ZFP14: variants seen among roughly 807,000 people sequenced by gnomAD.
ZFP14 encodes zinc finger protein 14 homolog.
In ZFP14, 22 loss-of-function variants were observed where a neutral mutation model predicts 54.5. The observed-to-expected ratio is 0.40, with a 90% CI of 0.29 to 0.58. The LOEUF (loss-of-function observed/expected upper bound fraction) is 0.58, where lower values mean the gene tolerates loss of function less well. Ranked by LOEUF, ZFP14 falls within the 20% of genes least tolerant of loss-of-function variation. The pLI is 0.39. For missense variants in ZFP14, 470 were observed against 637.8 expected, an observed-to-expected ratio of 0.74 and a Z score of 2.83; for synonymous variants, 159 against 204.0, an observed-to-expected ratio of 0.78 and a Z score of 1.88.
At chr19:36,374,489 CA>C (rs398034483) in intron 1 of ZFP14, among the ~76,000 whole-genome samples, 8,969 of 70,512 alleles carry the variant, frequency 0.13, 214 homozygotes, top group Middle Eastern at 0.2. Context: ...GACTCTGTCT[CA>C]AAAAAAAAAA....
chr19:36,369,226 A>ATG (rs2031843404), intron 1 of ZFP14, among the ~76,000 whole-genome samples: 1 of 152,074 alleles, frequency 6.6e-6, no homozygotes, highest in Non-Finnish European at 1.5e-5. Flanking sequence ...GAGAACCTCT[A>ATG]TGTGTTGGGT....
Position 36,334,665 on chromosome 19 carries a change from C to T in ZFP14, c.*5559G>A, listed in dbSNP as rs1383139223. 1.3e-5 allele frequency: 2 copies of T among 152,156 alleles called. No individual in the cohort carries two copies. The highest frequency in any genetic ancestry group is 2.9e-5 in the Non-Finnish European group (2 of 68,030). The allele number at this position is 152,156 out of a possible 1,614,324, so 9.4% of individuals were successfully genotyped here. On this transcript the variant is annotated 3_prime_UTR_variant, in exon 5 of 5. Coordinates refer to ENST00000270001, the MANE Select transcript of ZFP14 (RefSeq NM_020917.3). ...CAAAAAATTGCCCTGACTTATGCCG[C>T]CCCCAACACAACCACTCACCATATC... is the stretch of plus-strand genomic sequence containing the variant.
Position 36,367,933 on chromosome 19 carries a change from T to A in ZFP14, c.-41A>T. 6.2e-7 allele frequency: 1 copy of A among 1,602,072 alleles called. No homozygotes were observed. Among genetic ancestry groups the A allele is most frequent in the Non-Finnish European group, 8.5e-7 (1 of 1,173,444 alleles). On this transcript the variant is annotated 5_prime_UTR_variant, in exon 2 of 5. Coordinates refer to ENST00000270001, the MANE Select transcript of ZFP14 (RefSeq NM_020917.3). ...AAAACTGGTCAGTCCTTTTCAAGATTTCTCTGTTGGAGAACTATGGAGTCC... is the reference window on the plus strand; with the variant it reads ...AAAACTGGTCAGTCCTTTTCAAGATATCTCTGTTGGAGAACTATGGAGTCC...
At chr19:36,346,719 G>A (rs1280201125) in intron 4 of ZFP14, among the ~76,000 whole-genome samples, 2 of 152,194 alleles carry the variant, frequency 1.3e-5, no homozygotes, top group Admixed American at 6.5e-5. Context: ...GCCTCCCAAA[G>A]TGCTGGGATT....
rs1451907181 is a variant in ZFP14 at position 36,341,415 on chromosome 19, C to T, written c.411G>A (p.Glu137=). Residue 137 remains glutamate (E), a synonymous_variant, in exon 5 of 5, where the codon GAG becomes GAA. Transcript: ENST00000270001. The surrounding 1 kb of genome is among the most constrained non-coding windows in gnomAD (Gnocchi z 4.2). ...SKIEGEKEQQ[E]GYFGQVKITS... is the part of the protein sequence containing the mutation. ...TAATTTTCACTTGCCCAAAATATCC[C>T]TCTTGTTGTTCCTTTTCCCCCTCAA... is the stretch of plus-strand genomic sequence containing the variant. The T allele has an allele frequency of 1.2e-6, 2 of 1,614,016 alleles. No homozygotes were observed. The highest frequency in any genetic ancestry group is 1.7e-6 in the Non-Finnish European group (2 of 1,180,028).
chr19:36,358,764 T>C (rs537106505), intron 4 of ZFP14, among the ~76,000 whole-genome samples: 24 of 152,308 alleles, frequency 1.6e-4, no homozygotes, highest in African/African-American at 5.3e-4. Context: ...GTTTGTTGCC[T>C]CCAAAACTCA....
At chr19:36,369,285 G>A (rs1245522703) in intron 1 of ZFP14, among the ~76,000 whole-genome samples, 1 of 152,196 alleles carries the variant, frequency 6.6e-6, no homozygotes, top group Non-Finnish European at 1.5e-5. Context: ...GCAATGTAGT[G>A]CTCTCCTTTT....
Position 36,340,152 on chromosome 19 carries a change from T to C in ZFP14, c.*72A>G. ...AATTTATTATGCTTGGAATTGAGCA[T>C]GAAACACATTTTCTCAAAAATGAAT... On this transcript the variant is annotated 3_prime_UTR_variant, in exon 5 of 5. Transcript: ENST00000270001. The surrounding 1 kb of genome is among the most constrained non-coding windows in gnomAD (Gnocchi z 5.4). 1 of 1,415,494 alleles carries C rather than the reference T, an allele frequency of 7.1e-7. No homozygotes were observed. Among genetic ancestry groups the C allele is most frequent in the East Asian group, 2.3e-5 (1 of 42,712 alleles). 87.7% of individuals were successfully genotyped at this position (1,415,494 alleles called of 1,614,324 possible). A position where few individuals can be genotyped will look rare whatever the true frequency, so the allele number is the denominator to read the frequency against.
At chr19:36,375,651 G>C (rs1351310864) in intron 1 of ZFP14, among the ~76,000 whole-genome samples, 1 of 151,082 alleles carries the variant, frequency 6.6e-6, no homozygotes, top group Non-Finnish European at 1.5e-5. Flanking sequence ...TCCGCCTCCC[G>C]GGTTCACGCC....
In ZFP14 at chr19:36,354,963, C is replaced by T. The variant is rs760285950; in HGVS notation, c.235+5472G>A. On this transcript the variant is annotated intron_variant, in intron 4 of 4. Transcript: ENST00000270001. Reference sequence around the variant, plus strand: ...TGGGATTACAGGCACGAAGCCACTGCGCCTGGCCCTTCTTACTTTTCTTAA... The same window carrying T: ...TGGGATTACAGGCACGAAGCCACTGTGCCTGGCCCTTCTTACTTTTCTTAA... 3.6e-4 allele frequency among the ~76,000 whole-genome samples: 52 copies of T among 142,990 alleles called. 11 individuals carry two copies. Among genetic ancestry groups the T allele is most frequent in the Admixed American group, 7.2e-4 (10 of 13,864 alleles). The allele number at this position is 142,990 out of a possible 152,430, so 93.8% of individuals were successfully genotyped here.
intron 1 of ZFP14, among the ~76,000 whole-genome samples, chr19:36,375,120 T>C (rs2031940171): frequency 6.6e-6 from 1 of 152,210 alleles, no homozygotes. Context: ...TAAACAGGTT[T>C]ATTTTGCTTC....
At chr19:36,351,301 C>A (rs1197775029) in intron 4 of ZFP14, among the ~76,000 whole-genome samples, 1 of 142,510 alleles carries the variant, frequency 7.0e-6, no homozygotes, top group East Asian at 2.1e-4. Flanking sequence ...GAGTTCAAGA[C>A]CAGCCTGGCC....
Position 36,340,254 on chromosome 19 carries a change from A to G in ZFP14, c.1572T>C (p.Thr524=). The change falls in exon 5 of 5, where the codon ACT becomes ACC. Residue 524 remains threonine (T), a synonymous_variant. Coordinates refer to ENST00000270001, the MANE Select transcript of ZFP14 (RefSeq NM_020917.3). The surrounding 1 kb of genome is among the most constrained non-coding windows in gnomAD (Gnocchi z 5.4). ...TTCCATTATGAATCTTCTGATGCTG[A>G]GTAAGGTGTGAATGCTGTCTAAAGG... is the stretch of plus-strand genomic sequence containing the variant. ...KKAFRQHSHL[T]QHQKIHNGI The G allele has an allele frequency of 1.9e-6, 3 of 1,594,958 alleles. No homozygotes were observed. The highest frequency in any genetic ancestry group is 1.3e-5 in the African/African-American group (1 of 74,256).
intron 1 of ZFP14, among the ~76,000 whole-genome samples, chr19:36,373,693 G>A (rs372018375): frequency 6.6e-6 from 1 of 151,674 alleles, no homozygotes; most frequent in South Asian, 2.1e-4. Context: ...TAATACTAAA[G>A]CTCGGTATTA....
chr19:36,351,956 G>C (rs2031533098), intron 4 of ZFP14, among the ~76,000 whole-genome samples: 1 of 143,484 alleles, frequency 7.0e-6, no homozygotes, highest in Non-Finnish European at 1.5e-5. Flanking sequence ...GGCCGAGGCG[G>C]GTGGATCACA....
intron 2 of ZFP14, among the ~76,000 whole-genome samples, chr19:36,363,121 A>G (rs1467339270): frequency 2.0e-5 from 3 of 151,422 alleles, no homozygotes; most frequent in Non-Finnish European, 4.4e-5. Context: ...GAGTTACAGG[A>G]CACTGAATCA....
chr19:36,373,393 G>C (rs956402696), intron 1 of ZFP14, among the ~76,000 whole-genome samples: 3 of 151,888 alleles, frequency 2.0e-5, no homozygotes, highest in Admixed American at 2.0e-4. Flanking sequence ...GGGGTGGGGG[G>C]AAATGGCAAG....
chr19:36,371,155 C>A (rs935336251), intron 1 of ZFP14, among the ~76,000 whole-genome samples: 2 of 151,918 alleles, frequency 1.3e-5, no homozygotes, highest in African/African-American at 2.4e-5. Flanking sequence ...TCCAGCTACT[C>A]GGGAGGCTGA....
intron 4 of ZFP14, among the ~76,000 whole-genome samples, chr19:36,347,656 A>C (rs1222119676): frequency 6.6e-6 from 1 of 151,942 alleles, no homozygotes; most frequent in Non-Finnish European, 1.5e-5. Flanking sequence ...TCAAAGACCC[A>C]CTCCAAAAAT....
Sources: allele counts gnomAD v4.1 joint callset (sites outside exome capture counted in the v4.1 genomes callset), GRCh38; gene constraint gnomAD v4.1.1; non-coding constraint Gnocchi (gnomAD v3.1); transcripts MANE v1.5; gene names NCBI Gene and HGNC (gene_info 2026-07-23, HGNC 2026-07-21).